HDAC9: variants seen among roughly 807,000 people sequenced by gnomAD.
HDAC9 encodes the protein MEF-2 interacting transcription repressor (MITR) protein.
A neutral mutation model predicts 139.4 loss-of-function variants in HDAC9; 41 were observed. The observed-to-expected ratio is 0.29, with a 90% CI of 0.23 to 0.38. The LOEUF (loss-of-function observed/expected upper bound fraction) is 0.38. Ranked by LOEUF, HDAC9 falls within the 10% of genes least tolerant of loss-of-function variation. The pLI is 1.00. For synonymous variants in HDAC9, 517 were observed against 476.2 expected, an observed-to-expected ratio of 1.09 and a Z score of -1.12; for missense variants, 1,147 against 1,297.0, an observed-to-expected ratio of 0.88 and a Z score of 1.78.
chr7:18,816,473 A>G (rs1662413191), intron 17 of HDAC9, among the ~76,000 whole-genome samples: 1 of 152,228 alleles, frequency 6.6e-6, no homozygotes, highest in Non-Finnish European at 1.5e-5. Context: ...TCATATTCAT[A>G]CTGGTTAATT....
At chr7:18,330,796 A>G (rs1014745970) in intron 1 of HDAC9, among the ~76,000 whole-genome samples, 2 of 151,744 alleles carry the variant, frequency 1.3e-5, no homozygotes, top group Non-Finnish European at 3.0e-5. Context: ...CCTTGGTAAT[A>G]AATTCACAAG....
chr7:18,639,514 A>T (rs1472010232), intron 8 of HDAC9, among the ~76,000 whole-genome samples: 4 of 152,046 alleles, frequency 2.6e-5, no homozygotes, highest in South Asian at 2.1e-4. Flanking sequence ...ATTTTATAGT[A>T]ACACCTTCTT....
At chr7:18,863,507 G>T (rs73320023) in intron 21 of HDAC9, among the ~76,000 whole-genome samples, 101 of 152,234 alleles carry the variant, frequency 6.6e-4, no homozygotes, top group South Asian at 8.3e-4. Flanking sequence ...GTGGCCCAAG[G>T]CAATTCTTCG....
chr7:18,571,288 C>T, intron 2 of HDAC9, among the ~76,000 whole-genome samples: 1 of 152,228 alleles, frequency 6.6e-6, no homozygotes, highest in Admixed American at 6.5e-5. Flanking sequence ...TTTGAAAAAA[C>T]AGTAATGTAA....
At chr7:18,321,987 G>T (rs1266952583) in intron 1 of HDAC9, among the ~76,000 whole-genome samples, 2 of 152,052 alleles carry the variant, frequency 1.3e-5, no homozygotes, top group African/African-American at 4.8e-5. Context: ...ACTCTTCTTT[G>T]AGGTGAGAAT....
At chr7:18,735,110 TGA>T (rs779931455) in intron 13 of HDAC9, among the ~76,000 whole-genome samples, 4 of 152,262 alleles carry the variant, frequency 2.6e-5, no homozygotes, top group Non-Finnish European at 5.9e-5. Flanking sequence ...TAAATTTGTT[TGA>T]GTTATTCATA....
Position 18,725,270 on chromosome 7 carries a change from C to G in HDAC9, c.1732-2310C>G, listed in dbSNP as rs564653357. ...TAGGCTTAAAATGTAGTTTTTAATA[C>G]TATTTTTTGAAGTCCACAAAGGTAA... is the stretch of plus-strand genomic sequence containing the variant. On this transcript the variant is annotated intron_variant, in intron 12 of 25. Coordinates refer to ENST00000686413, the MANE Select transcript of HDAC9 (RefSeq NM_178425.4). Among the ~76,000 whole-genome samples the G allele has an allele frequency of 1.6e-4, 25 of 152,220 alleles. 1 individual carries two copies. In the South Asian group the frequency reaches 5.2e-3, roughly 32 times the overall value.
At chr7:18,107,471 A>G (rs1158886761) in intron 1 of HDAC9, among the ~76,000 whole-genome samples, 1 of 152,118 alleles carries the variant, frequency 6.6e-6, no homozygotes, top group Admixed American at 6.5e-5. Flanking sequence ...GCCTAATTAG[A>G]TGGCTTCATT....
intron 6 of HDAC9, among the ~76,000 whole-genome samples, chr7:18,595,952 A>G (rs533354032): frequency 1.5e-3 from 227 of 152,192 alleles, no homozygotes; most frequent in African/African-American, 4.7e-3. Flanking sequence ...TCAATCCACA[A>G]CACAATTTAA....
chr7:18,272,576 G>A (rs1360473766), intron 2 of HDAC9, among the ~76,000 whole-genome samples: 4 of 152,018 alleles, frequency 2.6e-5, no homozygotes, highest in South Asian at 4.1e-4. Context: ...ACTAGCTATC[G>A]AAATAAAAGA....
chr7:18,593,498 A>G (rs1326386059), intron 5 of HDAC9, among the ~76,000 whole-genome samples: 3 of 152,066 alleles, frequency 2.0e-5, no homozygotes. Flanking sequence ...CTATCTAGCA[A>G]TTTTTTAAAA....
intron 2 of HDAC9, among the ~76,000 whole-genome samples, chr7:18,266,332 G>A (rs908240145): frequency 1.8e-4 from 27 of 152,076 alleles, no homozygotes; most frequent in Non-Finnish European, 3.5e-4. Context: ...ACCGTGACAG[G>A]CACTTTGGGT....
At chr7:18,986,593 T>G (rs1785376145) in intron 25 of HDAC9, among the ~76,000 whole-genome samples, 1 of 149,190 alleles carries the variant, frequency 6.7e-6, no homozygotes, top group African/African-American at 2.4e-5. Context: ...AGTATTTTTT[T>G]CCAATTCTGT....
At chr7:18,575,977 A>C (rs1825832264) in intron 2 of HDAC9, among the ~76,000 whole-genome samples, 1 of 152,256 alleles carries the variant, frequency 6.6e-6, no homozygotes. Flanking sequence ...TTATGAAAAG[A>C]ACTGAGAAAT....
At chr7:18,190,065 A>T (rs999341718) in intron 2 of HDAC9, among the ~76,000 whole-genome samples, 17 of 151,808 alleles carry the variant, frequency 1.1e-4, no homozygotes, top group African/African-American at 4.1e-4. Context: ...TCAACCTCCC[A>T]ACTAGCTGGG....
chr7:18,095,544 G>A (rs934457395), intron 1 of HDAC9, among the ~76,000 whole-genome samples: 2 of 152,272 alleles, frequency 1.3e-5, no homozygotes, highest in Non-Finnish European at 1.5e-5. Flanking sequence ...GGGCAGAGAA[G>A]GTTTGGCTTC....
intron 1 of HDAC9, among the ~76,000 whole-genome samples, chr7:18,467,117 A>C (rs550872620): frequency 6.6e-6 from 1 of 152,186 alleles, no homozygotes; most frequent in Non-Finnish European, 1.5e-5. Context: ...TTCACAGTCA[A>C]ATAAACTTTA....
intron 24 of HDAC9, among the ~76,000 whole-genome samples, chr7:18,973,371 C>G (rs17140431): frequency 0.15 from 22,573 of 152,052 alleles, 1,957 homozygotes; most frequent in East Asian, 0.4. Flanking sequence ...ATGTCATCTG[C>G]TAAAATAACG....
At chr7:18,658,369 C>G (rs1051028226) in intron 11 of HDAC9, among the ~76,000 whole-genome samples, 2 of 152,016 alleles carry the variant, frequency 1.3e-5, no homozygotes, top group East Asian at 3.9e-4. Context: ...GAAGGGAACA[C>G]TTATTGAAGT....
Sources: gnomAD v4.1 joint callset for allele counts (sites outside exome capture counted in the v4.1 genomes callset) on GRCh38, gnomAD v4.1.1 for gene constraint, MANE v1.5 for transcripts, NCBI Gene and HGNC (gene_info 2026-07-23, HGNC 2026-07-21) for gene names.